The following SLC24A4 variants were observed in gnomAD, a reference collection of about 807,000 sequenced individuals.
The protein encoded by SLC24A4 is sodium/potassium/calcium exchanger 4.
A neutral mutation model predicts 79.0 loss-of-function variants in SLC24A4; 53 were observed. The ratio of observed to expected loss-of-function variants is 0.67; its 90% CI spans 0.54 to 0.84. The LOEUF is 0.84. Ranked by LOEUF, SLC24A4 falls within the 40% of genes least tolerant of loss-of-function variation. The pLI is 0.00. For synonymous variants in SLC24A4, 323 were observed against 323.8 expected (o/e 1.00, Z 0.03); for missense variants, 731 against 822.0 (o/e 0.89, Z 1.35).
Position 92,494,618 on chromosome 14 carries a change from T to C in SLC24A4, c.*990T>C, listed in dbSNP as rs901122056. Reference sequence around the variant, plus strand: ...ATGCTCTAGTTTCAAAACCACCCTGTTGAAAGTTCCAGTTATTTATATGCC... The same window carrying C: ...ATGCTCTAGTTTCAAAACCACCCTGCTGAAAGTTCCAGTTATTTATATGCC... On this transcript the variant is annotated 3_prime_UTR_variant, in exon 17 of 17. Coordinates refer to ENST00000532405, the MANE Select transcript of SLC24A4 (RefSeq NM_153646.4). The surrounding 1 kb of genome is among the most constrained non-coding windows in gnomAD (Gnocchi z 4.6). 3 of 152,244 alleles carry C rather than the reference T, an allele frequency of 2.0e-5. No individual in the cohort carries two copies. The highest frequency in any genetic ancestry group is 4.8e-5 in the African/African-American group (2 of 41,462). 9.4% of individuals were successfully genotyped at this position (152,244 alleles called of 1,614,324 possible).
At chr14:92,472,578 T>C (rs1439952801) in intron 12 of SLC24A4, among the ~76,000 whole-genome samples, 1 of 152,198 alleles carries the variant, frequency 6.6e-6, no homozygotes, top group Non-Finnish European at 1.5e-5. Flanking sequence ...ATGCCATTAA[T>C]TCATTCCTTT....
chr14:92,367,537 G>A (rs116120481), intron 2 of SLC24A4, among the ~76,000 whole-genome samples: 2,243 of 152,322 alleles, frequency 0.015, 73 homozygotes, highest in African/African-American at 0.051. Context: ...GAGGTCGTGA[G>A]CTGACATGCT....
chr14:92,325,924 A>G lies in SLC24A4; in HGVS notation c.187A>G (p.Lys63Glu). The G allele has an allele frequency of 6.2e-7, 1 of 1,613,186 alleles. No individual in the cohort carries two copies. The highest frequency in any genetic ancestry group is 8.5e-7 in the Non-Finnish European group (1 of 1,179,632). The change falls in exon 2 of 17, where the codon AAG becomes GAG. Residue 63 changes from lysine (K) to glutamate (E), a missense_variant. Coordinates refer to ENST00000532405, the MANE Select transcript of SLC24A4 (RefSeq NM_153646.4). Reference protein sequence around the residue: ...RVLPDTWRNRKLMAPVNGTQT... With the variant: ...RVLPDTWRNRELMAPVNGTQT... ...CCTGCCAGACACGTGGAGAAATAGA[A>G]AGTTGATGGCCCCAGTGAATGGGAC...
intron 9 of SLC24A4, 36 bp downstream of exon 9, chr14:92,447,460 C>A (rs771867710): frequency 1.3e-6 from 2 of 1,586,128 alleles, no homozygotes; most frequent in Non-Finnish European, 1.7e-6. Flanking sequence ...GCTGCCGACG[C>A]CTTGCCCCAC....
chr14:92,462,434 G>A (rs1343311306), intron 12 of SLC24A4: 6 of 152,054 alleles, frequency 3.9e-5, no homozygotes, highest in Non-Finnish European at 7.4e-5. Context: ...CTCTCACCCT[G>A]TCTTCCAGGC....
intron 12 of SLC24A4, chr14:92,457,673 C>T (rs1262632289): frequency 3.3e-5 from 5 of 152,568 alleles, no homozygotes; most frequent in Non-Finnish European, 5.9e-5. Flanking sequence ...TCCGTGAGGT[C>T]CTCTGGAGTC....
intron 2 of SLC24A4, among the ~76,000 whole-genome samples, chr14:92,413,095 A>C (rs926577284): frequency 6.6e-6 from 1 of 152,178 alleles, no homozygotes; most frequent in Non-Finnish European, 1.5e-5. Flanking sequence ...CAAAGCCTGA[A>C]ATATTTACTG....
chr14:92,407,506 T>A (rs8020778), intron 2 of SLC24A4, among the ~76,000 whole-genome samples: 2 of 151,854 alleles, frequency 1.3e-5, no homozygotes, highest in South Asian at 4.1e-4. Flanking sequence ...GGGTAATTTA[T>A]GAAGAAAAGA....
At chr14:92,385,830 C>T (rs1240978466) in intron 2 of SLC24A4, among the ~76,000 whole-genome samples, 2 of 152,198 alleles carry the variant, frequency 1.3e-5, no homozygotes, top group Non-Finnish European at 1.5e-5. Flanking sequence ...CCTCCCAGCT[C>T]CCCCATCCCA....
chr14:92,393,277 A>G (rs1449427279), intron 2 of SLC24A4, among the ~76,000 whole-genome samples: 1 of 152,272 alleles, frequency 6.6e-6, no homozygotes, highest in African/African-American at 2.4e-5. Flanking sequence ...ATGGAATCAC[A>G]AAACGGTCAG....
chr14:92,488,419 T>C (rs6145444), intron 14 of SLC24A4, among the ~76,000 whole-genome samples: 107,138 of 151,514 alleles, frequency 0.71, 37,987 homozygotes, highest in African/African-American at 0.72. Flanking sequence ...TAGAACTCAC[T>C]CTAATTTAGT....
intron 2 of SLC24A4, among the ~76,000 whole-genome samples, chr14:92,416,102 G>A (rs1261856469): frequency 2.7e-5 from 4 of 147,642 alleles, no homozygotes; most frequent in East Asian, 2.1e-4. Flanking sequence ...GGAAAGGAAA[G>A]TGTGTGTATT....
intron 14 of SLC24A4, among the ~76,000 whole-genome samples, chr14:92,487,222 G>A (rs558417302): frequency 3.9e-5 from 6 of 152,332 alleles, no homozygotes; most frequent in Non-Finnish European, 4.4e-5. Context: ...GGTGGTTTTC[G>A]TTTTGGGCTT....
Position 92,354,893 on chromosome 14 carries a change from G to T in SLC24A4, c.241+28915G>T, listed in dbSNP as rs141691421. Among the ~76,000 whole-genome samples, 389 of 152,288 alleles carry T rather than the reference G, an allele frequency of 2.6e-3. 1 individual carries two copies. The highest frequency in any genetic ancestry group is 8.9e-3 in the African/African-American group (369 of 41,550). ...GTTCGAGACCAGCCCGGCCAACATG[G>T]CGAAACCCCATCTCTACTAAAAATA... On this transcript the variant is annotated intron_variant, in intron 2 of 16. Transcript: ENST00000532405.
At chr14:92,463,878 T>G (rs1473211076) in intron 12 of SLC24A4, among the ~76,000 whole-genome samples, 1 of 152,218 alleles carries the variant, frequency 6.6e-6, no homozygotes, top group African/African-American at 2.4e-5. Flanking sequence ...TCTGAATATT[T>G]CATATAAAGA....
chr14:92,323,946 T>C lies in SLC24A4; in HGVS notation c.116T>C (p.Leu39Pro). Residue 39 changes from leucine (L) to proline (P), a missense_variant, in exon 1 of 17, where the codon CTC becomes CCC. Physicochemically the swap from Leu to Pro is moderately conservative, Grantham distance 98 (BLOSUM62 -3). Coordinates refer to ENST00000532405, the MANE Select transcript of SLC24A4 (RefSeq NM_153646.4). This position sits in a 1 kb window ranked among gnomAD's most constrained non-coding sequence, Gnocchi z 4.9. ...GCCCTGGTGTGCTGTGCGTCCGGCC[T>C]CTTCGGCAGCTTGGGTGGGTGCTGG... ...VLALVCCASG[L>P]FGSLGHKTAS... 6.2e-7 allele frequency: 1 copy of C among 1,611,000 alleles called. No homozygotes were observed. The highest frequency in any genetic ancestry group is 1.3e-5 in the African/African-American group (1 of 74,930).
At chr14:92,417,480 A>ATTTT (rs1891042913) in intron 2 of SLC24A4, among the ~76,000 whole-genome samples, 1 of 152,244 alleles carries the variant, frequency 6.6e-6, no homozygotes, top group African/African-American at 2.4e-5. Flanking sequence ...TAAAGAAAAA[A>ATTTT]GTTACAGTAA....
At chr14:92,343,704 T>TTC (rs1566700444) in intron 2 of SLC24A4, among the ~76,000 whole-genome samples, 63 of 29,502 alleles carry the variant, frequency 2.1e-3, no homozygotes, top group East Asian at 0.021. Context: ...TTCCTTCCTT[T>TTC]CTTTCTTTCT....
At position 92,486,733 on chromosome 14, in the gene SLC24A4, G is replaced by C; in HGVS notation, c.1490G>C (p.Gly497Ala). 1 of 1,614,114 alleles carries C rather than the reference G, an allele frequency of 6.2e-7. No individual in the cohort carries two copies. The highest frequency in any genetic ancestry group is 8.5e-7 in the Non-Finnish European group (1 of 1,180,026). ...VIMGITFLAA[G>A]TSVPDCMASL... ...ATGGGCATTACTTTCCTGGCAGCAG[G>C]GACAAGTGTTCCAGACTGCATGGCC... Residue 497 changes from glycine to alanine, a missense_variant, in exon 14 of 17, where the codon GGG (glycine) becomes GCG (alanine). Gly to Ala is a moderately conservative substitution (Grantham distance 60, BLOSUM62 0). Transcript: ENST00000532405.
Sources: gnomAD v4.1 joint callset for allele counts (sites outside exome capture counted in the v4.1 genomes callset) on GRCh38, gnomAD v4.1.1 for gene constraint, Gnocchi (gnomAD v3.1) non-coding constraint, MANE v1.5 for transcripts, NCBI Gene and HGNC (gene_info 2026-07-23, HGNC 2026-07-21) for gene names.